Variants in SHTN1 observed in about 807,000 individuals in gnomAD.
SHTN1 encodes the protein shootin-1.
A neutral mutation model predicts 83.1 loss-of-function variants in SHTN1; 42 were observed. The ratio of observed to expected loss-of-function variants is 0.51; its 90% CI spans 0.39 to 0.65. The LOEUF (loss-of-function observed/expected upper bound fraction) is 0.65, where lower values mean the gene tolerates loss of function less well. Among genes scored for constraint, SHTN1 ranks in the 30% least tolerant of loss-of-function variants. The pLI is 0.00. For missense variants in SHTN1, 622 were observed against 737.8 expected (o/e 0.84, Z 1.82); for synonymous variants, 224 against 247.7 (o/e 0.90, Z 0.90).
chr10:116,904,004 A>G (rs1847858224), intron 15 of SHTN1, among the ~76,000 whole-genome samples: 1 of 152,244 alleles, frequency 6.6e-6, no homozygotes, highest in Admixed American at 6.5e-5. Context: ...TAAATGCCTA[A>G]GAAAAATCCT....
chr10:117,111,702 A>G (rs1211414987), intron 1 of SHTN1, among the ~76,000 whole-genome samples: 5 of 151,824 alleles, frequency 3.3e-5, no homozygotes, highest in African/African-American at 9.7e-5. Flanking sequence ...TTCTGCTTGA[A>G]CTCAAACCCC....
intron 2 of SHTN1, among the ~76,000 whole-genome samples, chr10:117,043,336 A>G (rs1284158253): frequency 2.6e-5 from 4 of 152,006 alleles, no homozygotes; most frequent in Non-Finnish European, 5.9e-5. Flanking sequence ...GGGTTTCACC[A>G]TGTTAGCCAG....
chr10:116,980,987 G>C (rs1405252043), intron 1 of SHTN1, among the ~76,000 whole-genome samples: 1 of 152,158 alleles, frequency 6.6e-6, no homozygotes, highest in African/African-American at 2.4e-5. Context: ...CCATAAAATA[G>C]GTGAATGTGT....
chr10:116,938,099 G>C (rs1379188543), intron 9 of SHTN1, among the ~76,000 whole-genome samples: 1 of 151,794 alleles, frequency 6.6e-6, no homozygotes, highest in Non-Finnish European at 1.5e-5. Flanking sequence ...TCCTTGCGTT[G>C]GGTTAGAACA....
intron 1 of SHTN1, among the ~76,000 whole-genome samples, chr10:117,078,124 G>T (rs1443684788): frequency 2.0e-5 from 3 of 152,168 alleles, no homozygotes; most frequent in Non-Finnish European, 4.4e-5. Flanking sequence ...GCCCAGATCA[G>T]CTGCAGACAA....
At chr10:117,124,892 A>G (rs1369327713) in intron 1 of SHTN1, among the ~76,000 whole-genome samples, 1 of 152,236 alleles carries the variant, frequency 6.6e-6, no homozygotes, top group Admixed American at 6.5e-5. Context: ...TCAAAGCCCA[A>G]GTTTTCCTAC....
At chr10:116,968,367 T>A (rs994748904) in intron 3 of SHTN1, among the ~76,000 whole-genome samples, 3 of 152,234 alleles carry the variant, frequency 2.0e-5, no homozygotes, top group Non-Finnish European at 4.4e-5. Context: ...CTGGCCTTTT[T>A]CAAGGAGCCA....
At chr10:117,119,461 C>A (rs573695452) in intron 1 of SHTN1, among the ~76,000 whole-genome samples, 1 of 152,132 alleles carries the variant, frequency 6.6e-6, no homozygotes, top group Admixed American at 6.5e-5. Context: ...CATCACTGAT[C>A]ATCAGAGAAA....
chr10:116,894,775 A>G (rs1294417209), intron 16 of SHTN1, among the ~76,000 whole-genome samples: 1 of 152,230 alleles, frequency 6.6e-6, no homozygotes. Context: ...ATTAATTGAA[A>G]AAGTGTGAAT....
At chr10:116,892,693 T>C (rs1369587511) in intron 16 of SHTN1, among the ~76,000 whole-genome samples, 1 of 152,238 alleles carries the variant, frequency 6.6e-6, no homozygotes. Flanking sequence ...CACAAATTAC[T>C]TTTCATAGAG....
chr10:116,995,313 C>T lies in SHTN1; in HGVS notation c.58+9709G>A, dbSNP rs115457390. ...GAAATACCAGTGGACTAGGTATGAA[C>T]TCCAGAAATCTAAAGGAGAAACTGA... is the stretch of plus-strand genomic sequence containing the variant. On this transcript the variant is annotated intron_variant, in intron 1 of 16. Coordinates refer to ENST00000355371, the MANE Select transcript of SHTN1 (RefSeq NM_001127211.3). Among the ~76,000 whole-genome samples the T allele has an allele frequency of 1.2e-3, 177 of 152,260 alleles. 1 individual carries two copies. Among genetic ancestry groups the T allele is most frequent in the African/African-American group, 4.0e-3 (165 of 41,568 alleles).
chr10:116,948,571 T>A (rs1175508741), intron 7 of SHTN1, among the ~76,000 whole-genome samples: 1 of 152,154 alleles, frequency 6.6e-6, no homozygotes, highest in Non-Finnish European at 1.5e-5. Flanking sequence ...TAACCTCTTC[T>A]GGATTGAGAT....
At chr10:116,955,100 C>CAAA (rs59777387) in intron 4 of SHTN1, among the ~76,000 whole-genome samples, 17 of 87,712 alleles carry the variant, frequency 1.9e-4, no homozygotes, top group South Asian at 4.2e-4. Flanking sequence ...TACTTCACAG[C>CAAA]AAAAAAAAAA....
intron 2 of SHTN1, among the ~76,000 whole-genome samples, chr10:117,025,437 A>G (rs1406477916): frequency 1.3e-5 from 2 of 152,150 alleles, no homozygotes; most frequent in African/African-American, 4.8e-5. Flanking sequence ...GTGCTCTGGG[A>G]CCCTACATAA....
chr10:117,005,499 C>T (rs1194605152), upstream of SHTN1: 1 of 1,017,214 alleles, frequency 9.8e-7, no homozygotes, highest in Non-Finnish European at 1.2e-6. Context: ...TGTGGGTTCG[C>T]AGCGTGTGTG....
intron 8 of SHTN1, 85 bp from the exon 9 acceptor site, chr10:116,940,697 G>C: frequency 8.9e-7 from 1 of 1,129,328 alleles, no homozygotes; most frequent in Non-Finnish European, 1.2e-6. Context: ...AAAAGTACAT[G>C]GAATTTTTAT....
intron 1 of SHTN1, among the ~76,000 whole-genome samples, chr10:117,095,657 G>C (rs1853493363): frequency 1.3e-5 from 2 of 152,064 alleles, no homozygotes; most frequent in South Asian, 4.1e-4. Context: ...TAACAGGACA[G>C]AAAATAGAAT....
At chr10:117,076,234 C>A (rs1853152053) in intron 1 of SHTN1, among the ~76,000 whole-genome samples, 1 of 149,712 alleles carries the variant, frequency 6.7e-6, no homozygotes, top group Admixed American at 6.6e-5. Flanking sequence ...TGAAAATGGA[C>A]TGAATTGAAC....
At chr10:116,975,448 TCA>T (rs61432680) in intron 2 of SHTN1, among the ~76,000 whole-genome samples, 9,167 of 152,168 alleles carry the variant, frequency 0.06, 868 homozygotes, top group African/African-American at 0.2. Flanking sequence ...CTCTAGGCAC[TCA>T]CAGAGCAGCA....
Sources: allele counts gnomAD v4.1 joint callset (sites outside exome capture counted in the v4.1 genomes callset), GRCh38; gene constraint gnomAD v4.1.1; transcripts MANE v1.5; gene names NCBI Gene and HGNC (gene_info 2026-07-23, HGNC 2026-07-21).